Variants in CDC42BPA observed in about 807,000 individuals in gnomAD.
CDC42BPA encodes CDC42 binding protein kinase alpha.
CDC42BPA carries 80 observed loss-of-function variants against 223.5 expected under a neutral mutation model. The ratio of observed to expected loss-of-function variants is 0.36; its 90% CI spans 0.30 to 0.43. The LOEUF (loss-of-function observed/expected upper bound fraction) is 0.43, where lower values mean the gene tolerates loss of function less well. Ranked by LOEUF, CDC42BPA falls within the 20% of genes least tolerant of loss-of-function variation. The pLI is 1.00. For synonymous variants in CDC42BPA, 694 were observed against 718.6 expected, an observed-to-expected ratio of 0.97 and a Z score of 0.55; for missense variants, 1,743 against 2,099.9, an observed-to-expected ratio of 0.83 and a Z score of 3.32.
intron 3 of CDC42BPA, among the ~76,000 whole-genome samples, chr1:227,208,083 T>C (rs1268375922): frequency 7.1e-5 from 7 of 99,010 alleles, no homozygotes; most frequent in African/African-American, 2.0e-4. Context: ...TGGTATCTCA[T>C]TGTGGTTTTG....
In CDC42BPA at chr1:227,294,598, CGCCTG is replaced by C. The variant is rs1396606699; in HGVS notation, c.178+22402_178+22406del. Among the ~76,000 whole-genome samples, 119 of 73,348 alleles carry C rather than the reference CGCCTG, an allele frequency of 1.6e-3. 18 individuals are homozygous for C. Among genetic ancestry groups the C allele is most frequent in the Non-Finnish European group, 1.7e-3 (61 of 35,112 alleles). The allele number at this position is 73,348 out of a possible 152,430, so 48.1% of individuals were successfully genotyped here. ...TTAATTGGCCGGGCGCGGTGGCTCA[CGCCTG>C]TAATCCCAGCACTTTGGGAGGCCGA... is the stretch of plus-strand genomic sequence containing the variant. On this transcript the variant is annotated intron_variant, in intron 1 of 36. Transcript: ENST00000366766.
intron 1 of CDC42BPA, among the ~76,000 whole-genome samples, chr1:227,303,030 T>C (rs1330487858): frequency 6.6e-6 from 1 of 151,524 alleles, no homozygotes; most frequent in Non-Finnish European, 1.5e-5. Flanking sequence ...TTCGAAGTTA[T>C]GCTTTCCCTG....
intron 6 of CDC42BPA, among the ~76,000 whole-genome samples, chr1:227,156,712 C>G (rs887736041): frequency 6.6e-6 from 1 of 152,154 alleles, no homozygotes; most frequent in African/African-American, 2.4e-5. Context: ...ATTTGCATTT[C>G]GAATGCATTC....
chr1:227,125,493 AG>A (rs1408682668), intron 11 of CDC42BPA, among the ~76,000 whole-genome samples: 1 of 151,072 alleles, frequency 6.6e-6, no homozygotes, highest in Admixed American at 6.6e-5. Flanking sequence ...GCTACTCAGG[AG>A]GATGAGGCAC....
intron 1 of CDC42BPA, among the ~76,000 whole-genome samples, chr1:227,270,627 T>A (rs1685805305): frequency 6.6e-6 from 1 of 152,194 alleles, no homozygotes; most frequent in African/African-American, 2.4e-5. Flanking sequence ...TAAGTGTACA[T>A]CAGTAGCTTT....
intron 6 of CDC42BPA, among the ~76,000 whole-genome samples, chr1:227,157,554 A>G (rs984509415): frequency 6.6e-6 from 1 of 152,138 alleles, no homozygotes; most frequent in Non-Finnish European, 1.5e-5. Context: ...CACATCTGAC[A>G]TGGCCAGATG....
chr1:227,147,156 G>A lies in CDC42BPA; in HGVS notation c.894+203C>T, dbSNP rs559523836. Reference sequence around the variant, plus strand: ...GAGACCACTTAATTTCCTACTTAGCGGCATCTCTAATAAAATACAAGAAAA... The same window carrying A: ...GAGACCACTTAATTTCCTACTTAGCAGCATCTCTAATAAAATACAAGAAAA... On this transcript the variant is annotated intron_variant, in intron 7 of 36. Coordinates refer to ENST00000366766, the MANE Select transcript of CDC42BPA (RefSeq NM_001394014.1). 1.8e-4 allele frequency among the ~76,000 whole-genome samples: 27 copies of A among 151,874 alleles called. No individual in the cohort carries two copies. The South Asian group carries it at 5.2e-3, about 29-fold the overall frequency.
At chr1:226,996,306 G>A (rs183098685) in intron 35 of CDC42BPA, among the ~76,000 whole-genome samples, 8 of 152,280 alleles carry the variant, frequency 5.3e-5, no homozygotes. Context: ...TGTCATTTTT[G>A]CACATTGATT....
intron 22 of CDC42BPA, among the ~76,000 whole-genome samples, chr1:227,049,197 T>C (rs530669067): frequency 6.6e-6 from 1 of 151,840 alleles, no homozygotes; most frequent in South Asian, 2.1e-4. Flanking sequence ...AACAAAGTCG[T>C]CAAATTTACA....
intron 34 of CDC42BPA, 58 bp downstream of exon 34, chr1:227,016,022 T>C (rs1489505503): frequency 4.8e-6 from 4 of 839,228 alleles, no homozygotes; most frequent in Non-Finnish European, 2.0e-6. Context: ...TTTAAGCCTA[T>C]GTATTTATAC....
At chr1:227,205,457 T>C (rs1023467746) in intron 3 of CDC42BPA, among the ~76,000 whole-genome samples, 18 of 151,842 alleles carry the variant, frequency 1.2e-4, no homozygotes, top group Admixed American at 2.6e-4. Flanking sequence ...ATGATTTCAT[T>C]ATAATAAAAT....
intron 1 of CDC42BPA, among the ~76,000 whole-genome samples, chr1:227,283,877 A>G (rs966621222): frequency 1.3e-5 from 2 of 152,092 alleles, no homozygotes; most frequent in Admixed American, 1.3e-4. Context: ...TTGAGATGGG[A>G]TTTTGCCATG....
chr1:227,269,807 T>C (rs1355272549), intron 1 of CDC42BPA, among the ~76,000 whole-genome samples: 1 of 152,108 alleles, frequency 6.6e-6, no homozygotes, highest in African/African-American at 2.4e-5. Context: ...GACCATGGGA[T>C]AGGCAAAAAA....
intron 6 of CDC42BPA, among the ~76,000 whole-genome samples, chr1:227,154,932 C>A (rs1423444274): frequency 6.6e-6 from 1 of 151,934 alleles, no homozygotes; most frequent in Non-Finnish European, 1.5e-5. Flanking sequence ...CCAAGAATAG[C>A]CAAGATAATT....
At chr1:227,088,386 C>T (rs1177249909) in intron 16 of CDC42BPA, among the ~76,000 whole-genome samples, 1 of 152,154 alleles carries the variant, frequency 6.6e-6, no homozygotes, top group Non-Finnish European at 1.5e-5. Flanking sequence ...AAGAAGACTA[C>T]ATAGGAATAC....
At position 227,193,733 on chromosome 1, in the gene CDC42BPA, T is replaced by C. The variant is rs1187051808; in HGVS notation, c.599+53A>G. 7.3e-6 allele frequency: 10 copies of C among 1,368,834 alleles called. No individual in the cohort carries two copies. The South Asian group carries it at 1.5e-4, about 20-fold the overall frequency. 84.8% of individuals were successfully genotyped at this position (1,368,834 alleles called of 1,614,324 possible). ...AATCTGGCAAGAAATAGGCCTCTGTTGCTAGATATTACATGGTAACTCACA... is the reference window on the plus strand; with the variant it reads ...AATCTGGCAAGAAATAGGCCTCTGTCGCTAGATATTACATGGTAACTCACA... On this transcript the variant is annotated intron_variant, in intron 5 of 36. Transcript: ENST00000366766.
intron 11 of CDC42BPA, among the ~76,000 whole-genome samples, chr1:227,124,534 A>G (rs1269468561): frequency 6.6e-6 from 1 of 152,064 alleles, no homozygotes; most frequent in Non-Finnish European, 1.5e-5. Context: ...GGCAGGTCCT[A>G]AGGGGAGACT....
rs190926906 is a variant in CDC42BPA at position 227,009,477 on chromosome 1, C to T, written c.4858-4366G>A. Among the ~76,000 whole-genome samples, 914 of 152,256 alleles carry T rather than the reference C, an allele frequency of 6.0e-3. 10 individuals carry two copies. Among genetic ancestry groups the T allele is most frequent in the African/African-American group, 0.021 (860 of 41,550 alleles). Reference sequence around the variant, plus strand: ...AAGCTGGAGTGCAGTGGTGCAATCACGGCTCTCTGCAACTTCGACCTCCCA... The same window carrying T: ...AAGCTGGAGTGCAGTGGTGCAATCATGGCTCTCTGCAACTTCGACCTCCCA... On this transcript the variant is annotated intron_variant, in intron 34 of 36. Transcript: ENST00000366766.
chr1:227,305,901 G>C (rs576723829), intron 1 of CDC42BPA, among the ~76,000 whole-genome samples: 2 of 152,202 alleles, frequency 1.3e-5, no homozygotes, highest in Non-Finnish European at 2.9e-5. Context: ...AGAAGGCGGA[G>C]GCTGCAGTGA....
Sources: allele counts gnomAD v4.1 joint callset (sites outside exome capture counted in the v4.1 genomes callset), GRCh38; gene constraint gnomAD v4.1.1; transcripts MANE v1.5; gene names NCBI Gene and HGNC (gene_info 2026-07-23, HGNC 2026-07-21).